The following WFDC1 variants were observed in gnomAD, a reference collection of about 807,000 sequenced individuals.
WFDC1 encodes WAP four-disulfide core domain 1.
A neutral mutation model predicts 32.9 loss-of-function variants in WFDC1; 39 were observed. The observed-to-expected ratio is 1.19, with a 90% confidence interval of 0.92 to 1.55. The LOEUF is 1.55. Among genes scored for constraint, WFDC1 ranks in the 40% most tolerant of loss-of-function variants. The pLI is 0.00. For synonymous variants in WFDC1, 184 were observed against 137.4 expected, an observed-to-expected ratio of 1.34 and a Z score of -2.37; for missense variants, 386 against 309.5, an observed-to-expected ratio of 1.25 and a Z score of -1.85.
At chr16:84,307,388 A>G (rs772386904) in intron 1 of WFDC1, among the ~76,000 whole-genome samples, 12 of 152,186 alleles carry the variant, frequency 7.9e-5, no homozygotes, top group Non-Finnish European at 1.6e-4. Flanking sequence ...TCTCAGTGAA[A>G]TCAGTGCTTT....
intron 1 of WFDC1, among the ~76,000 whole-genome samples, chr16:84,308,337 C>A (rs1384611875): frequency 6.6e-6 from 1 of 152,160 alleles, no homozygotes; most frequent in African/African-American, 2.4e-5. Flanking sequence ...CTGGTGACAC[C>A]GTGTGCAATT....
At position 84,313,128 on chromosome 16, in the gene WFDC1, C is replaced by A. The variant is rs540282776; in HGVS notation, c.312C>A (p.Cys104Ter). 1.4e-6 allele frequency: 2 copies of A among 1,444,480 alleles called. No individual in the cohort carries two copies. The highest frequency in any genetic ancestry group is 1.8e-6 in the Non-Finnish European group (2 of 1,107,856). 89.5% of individuals were successfully genotyped at this position (1,444,480 alleles called of 1,614,324 possible). A position where few individuals can be genotyped will look rare whatever the true frequency, so the allele number is the denominator to read the frequency against. The change falls in exon 2 of 7, where the codon TGC (cysteine) becomes TGA (stop). Residue 104 changes from cysteine to a stop codon, truncating the protein, a stop_gained. Coordinates refer to ENST00000219454, the MANE Select transcript of WFDC1 (RefSeq NM_021197.4). LOFTEE classifies it high-confidence loss of function. Reference protein sequence around the residue: ...RCCYNGCAYACLEAVPPPPVL... With the variant: ...RCCYNGCAYA ...GCTACAACGGATGCGCCTACGCCTGCCTAGAAGCTGTGCCGCCCCCGCCAG... is the reference window on the plus strand; with the variant it reads ...GCTACAACGGATGCGCCTACGCCTGACTAGAAGCTGTGCCGCCCCCGCCAG...
chr16:84,304,906 G>A (rs1597666948), intron 1 of WFDC1, among the ~76,000 whole-genome samples: 1 of 152,152 alleles, frequency 6.6e-6, no homozygotes, highest in Admixed American at 6.5e-5. Context: ...GAGGGGGAGA[G>A]AGCCCCTGGA....
At chr16:84,314,899 C>A (rs567664418) in intron 2 of WFDC1, among the ~76,000 whole-genome samples, 8 of 152,254 alleles carry the variant, frequency 5.3e-5, no homozygotes, top group African/African-American at 1.9e-4. Context: ...ACAGATGATA[C>A]AACTGTACAT....
chr16:84,306,793 G>T (rs902807056), intron 1 of WFDC1, among the ~76,000 whole-genome samples: 1 of 118,686 alleles, frequency 8.4e-6, no homozygotes, highest in Admixed American at 7.7e-5. Context: ...CATCATCACA[G>T]CTTTTGTTCC....
intron 2 of WFDC1, 94 bp from the exon 3 acceptor site, chr16:84,318,178 G>A (rs1319753137): frequency 2.7e-6 from 3 of 1,126,538 alleles, no homozygotes; most frequent in Admixed American, 3.6e-5. Flanking sequence ...GGGAGCCTCT[G>A]TGCTGTCATG....
intron 1 of WFDC1, among the ~76,000 whole-genome samples, chr16:84,302,744 G>A (rs1192584999): frequency 6.6e-6 from 1 of 152,146 alleles, no homozygotes. Flanking sequence ...GTGCTGTTGT[G>A]TGTGGTGTCT....
chr16:84,309,844 C>T (rs1015903651), intron 1 of WFDC1, among the ~76,000 whole-genome samples: 2 of 120,332 alleles, frequency 1.7e-5, no homozygotes, highest in South Asian at 3.0e-4. Context: ...TGCGTGTGTA[C>T]ATGTGTGTGT....
At chr16:84,295,286 C>T (rs369232308) in intron 1 of WFDC1, 171 bp downstream of exon 1, 20 of 788,862 alleles carry the variant, frequency 2.5e-5, no homozygotes, top group African/African-American at 2.5e-4. Context: ...AGATGGGGCT[C>T]ACCCCCAAAA....
chr16:84,318,716 C>G lies in WFDC1; in HGVS notation c.421+361C>G. 3 of 245,048 alleles carry G rather than the reference C, an allele frequency of 1.2e-5. No individual in the cohort carries two copies. In the South Asian group the frequency reaches 1.7e-4, roughly 14 times the overall value. The allele number at this position is 245,048 out of a possible 1,614,324, so 15.2% of individuals were successfully genotyped here. A position where few individuals can be genotyped will look rare whatever the true frequency, so the allele number is the denominator to read the frequency against. On this transcript the variant is annotated intron_variant, in intron 3 of 6. Transcript: ENST00000219454. ...TGGGGGTGGGGGAGGTACCAGGAGG[C>G]AGAGGGCAATTTCTGGAAGGAACAG...
At chr16:84,318,800 C>T (rs7498973) in intron 3 of WFDC1, 178,847 of 212,988 alleles carry the variant, frequency 0.84, 76,543 homozygotes, top group East Asian at 0.99. Context: ...TGCACACCTG[C>T]GGCTGTGCTT....
intron 5 of WFDC1, 46 bp downstream of exon 5, chr16:84,324,506 G>C: frequency 6.3e-7 from 1 of 1,593,012 alleles, no homozygotes; most frequent in Non-Finnish European, 8.6e-7. Context: ...ACAAAAAAAA[G>C]GCAGTGAAAG....
intron 5 of WFDC1, chr16:84,325,606 C>G (rs1908546594): frequency 6.6e-6 from 1 of 151,718 alleles, no homozygotes; most frequent in African/African-American, 2.4e-5. Context: ...ATTCATCTAT[C>G]CATTCACTCA....
In WFDC1 at chr16:84,304,783, G is replaced by T. The variant is rs909830802; in HGVS notation, c.145-8178G>T. Among the ~76,000 whole-genome samples the T allele has an allele frequency of 3.3e-5, 5 of 152,302 alleles. No homozygotes were observed. The East Asian group carries it at 7.7e-4, about 24-fold the overall frequency. On this transcript the variant is annotated intron_variant, in intron 1 of 6. Coordinates refer to ENST00000219454, the MANE Select transcript of WFDC1 (RefSeq NM_021197.4). ...TTTCATCTGAGAGGCAACATAAGCT[G>T]GGAGGGAAGGGCTGCAAAGAGGGGG... is the stretch of plus-strand genomic sequence containing the variant.
intron 1 of WFDC1, chr16:84,295,452 C>A (rs389336): frequency 0.97 from 455,247 of 469,220 alleles, 222,185 homozygotes; most frequent in East Asian, 1. Flanking sequence ...TTCCGTCTCC[C>A]TGATCAGTAC....
At chr16:84,311,888 A>C (rs1224230648) in intron 1 of WFDC1, among the ~76,000 whole-genome samples, 2 of 151,826 alleles carry the variant, frequency 1.3e-5, no homozygotes, top group African/African-American at 4.8e-5. Flanking sequence ...ACTTCGGGCC[A>C]GGCGCGGTGG....
At chr16:84,307,915 G>A (rs185234382) in intron 1 of WFDC1, among the ~76,000 whole-genome samples, 53 of 152,234 alleles carry the variant, frequency 3.5e-4, no homozygotes, top group Admixed American at 2.6e-3. Context: ...GAGGGAGATT[G>A]GGCGGAGAAA....
chr16:84,318,199 G>A (rs956882851), intron 2 of WFDC1, 73 bp from the exon 3 acceptor site: 4 of 1,441,946 alleles, frequency 2.8e-6, no homozygotes, highest in South Asian at 2.3e-5. Context: ...AAGTTGGGGT[G>A]CCCCCAGCCC....
At chr16:84,318,425 G>A in intron 3 of WFDC1, 70 bp downstream of exon 3, 1 of 1,508,788 alleles carries the variant, frequency 6.6e-7, no homozygotes, top group Non-Finnish European at 9.2e-7. Flanking sequence ...CTTCCAGAAA[G>A]CTGGCAGCAC....
Sources: gnomAD v4.1 joint callset for allele counts (sites outside exome capture counted in the v4.1 genomes callset) on GRCh38, gnomAD v4.1.1 for gene constraint, MANE v1.5 for transcripts, NCBI Gene and HGNC (gene_info 2026-07-23, HGNC 2026-07-21) for gene names.